CSMD1: variants seen among roughly 807,000 people sequenced by gnomAD.
CSMD1 encodes CUB and Sushi multiple domains 1.
A neutral mutation model predicts 417.5 loss-of-function variants in CSMD1; 213 were observed. That is an observed-to-expected ratio of 0.51 (90% confidence interval 0.46 to 0.57). The LOEUF (loss-of-function observed/expected upper bound fraction) is 0.57. Ranked by LOEUF, CSMD1 falls within the 20% of genes least tolerant of loss-of-function variation. CSMD1 has a pLI of 0.00. For synonymous variants in CSMD1, 2,862 were observed against 1,736.8 expected (o/e 1.65, Z -16.11); for missense variants, 6,923 against 4,529.7 (o/e 1.53, Z -15.17).
At chr8:4,629,235 T>C (rs1222481471) in intron 2 of CSMD1, among the ~76,000 whole-genome samples, 1 of 152,124 alleles carries the variant, frequency 6.6e-6, no homozygotes, top group Admixed American at 6.5e-5. Flanking sequence ...TTGAGAAAAA[T>C]TTCAAAATAT....
intron 3 of CSMD1, among the ~76,000 whole-genome samples, chr8:4,259,436 C>G (rs1319186434): frequency 1.3e-5 from 2 of 152,062 alleles, no homozygotes; most frequent in Non-Finnish European, 2.9e-5. Context: ...AGGACCCATC[C>G]CAGCGCTATG....
intron 3 of CSMD1, among the ~76,000 whole-genome samples, chr8:4,146,067 G>T (rs916120450): frequency 3.3e-5 from 5 of 150,806 alleles, no homozygotes; most frequent in Non-Finnish European, 7.4e-5. Flanking sequence ...GACACTTGAG[G>T]GAGGCAATTG....
At chr8:3,549,917 G>A (rs759846715) in intron 10 of CSMD1, among the ~76,000 whole-genome samples, 4 of 152,138 alleles carry the variant, frequency 2.6e-5, no homozygotes, top group Non-Finnish European at 4.4e-5. Flanking sequence ...TCAACAAGCA[G>A]ATTTATTGAA....
At chr8:4,084,177 A>G (rs1381419570) in intron 3 of CSMD1, among the ~76,000 whole-genome samples, 1 of 152,144 alleles carries the variant, frequency 6.6e-6, no homozygotes, top group African/African-American at 2.4e-5. Context: ...AAGAGAAAGA[A>G]TTTTAAAATG....
At chr8:3,956,982 T>A (rs1284099018) in intron 5 of CSMD1, among the ~76,000 whole-genome samples, 1 of 152,118 alleles carries the variant, frequency 6.6e-6, no homozygotes, top group Non-Finnish European at 1.5e-5. Context: ...CTGTTTTTCT[T>A]GTGGGCCCTA....
At chr8:4,038,977 C>G (rs999642897) in intron 3 of CSMD1, among the ~76,000 whole-genome samples, 5 of 152,186 alleles carry the variant, frequency 3.3e-5, no homozygotes, top group African/African-American at 1.2e-4. Context: ...CACATCAAAC[C>G]TTTAACCCAG....
At chr8:4,243,033 G>A (rs919762513) in intron 3 of CSMD1, among the ~76,000 whole-genome samples, 2 of 152,114 alleles carry the variant, frequency 1.3e-5, no homozygotes, top group Non-Finnish European at 2.9e-5. Flanking sequence ...GAATGGCAGA[G>A]GTTTTATCTG....
chr8:4,124,409 A>T (rs1026715414), intron 3 of CSMD1, among the ~76,000 whole-genome samples: 3 of 152,056 alleles, frequency 2.0e-5, no homozygotes, highest in African/African-American at 7.3e-5. Context: ...TTTGTATTTA[A>T]TTTTTTTCCC....
intron 12 of CSMD1, among the ~76,000 whole-genome samples, chr8:3,428,204 C>G (rs145846663): frequency 2.0e-5 from 3 of 151,936 alleles, no homozygotes; most frequent in African/African-American, 4.8e-5. Flanking sequence ...ATGTGAGCTA[C>G]GTAGAATGAA....
At chr8:3,101,799 C>CTTTTT (rs530061255) in intron 46 of CSMD1, among the ~76,000 whole-genome samples, 4 of 106,356 alleles carry the variant, frequency 3.8e-5, no homozygotes, top group Admixed American at 1.1e-4. Context: ...CTTTCTTTTT[C>CTTTTT]TTTTTTTTTT....
At chr8:4,646,891 A>C (rs1342618472) in intron 1 of CSMD1, among the ~76,000 whole-genome samples, 1 of 152,218 alleles carries the variant, frequency 6.6e-6, no homozygotes, top group Non-Finnish European at 1.5e-5. Flanking sequence ...ATGACAAATT[A>C]TGAGCAGATT....
intron 12 of CSMD1, among the ~76,000 whole-genome samples, chr8:3,443,780 G>C (rs1815138428): frequency 6.6e-6 from 1 of 152,162 alleles, no homozygotes; most frequent in Non-Finnish European, 1.5e-5. Flanking sequence ...TAATTTGATT[G>C]GGAGACATGA....
At chr8:4,420,392 G>A (rs996998199) in intron 2 of CSMD1, among the ~76,000 whole-genome samples, 20 of 151,760 alleles carry the variant, frequency 1.3e-4, no homozygotes, top group African/African-American at 4.6e-4. Context: ...GAATTTTTAA[G>A]TTATAGGGTA....
chr8:3,261,184 C>A (rs763165609), intron 26 of CSMD1, among the ~76,000 whole-genome samples: 1 of 152,096 alleles, frequency 6.6e-6, no homozygotes, highest in Non-Finnish European at 1.5e-5. Context: ...GATGTAAATA[C>A]CATAGACAAT....
chr8:3,048,147 T>G (rs11136564), intron 50 of CSMD1, among the ~76,000 whole-genome samples: 114,148 of 152,100 alleles, frequency 0.75, 44,093 homozygotes, highest in Non-Finnish European at 0.84. Flanking sequence ...TAGCTTTAAA[T>G]GTAATGAAAG....
At chr8:4,250,237 C>G (rs1483103881) in intron 3 of CSMD1, among the ~76,000 whole-genome samples, 1 of 152,160 alleles carries the variant, frequency 6.6e-6, no homozygotes, top group African/African-American at 2.4e-5. Context: ...CACAAATGTA[C>G]TAAGACAACC....
intron 2 of CSMD1, among the ~76,000 whole-genome samples, chr8:4,610,415 T>G (rs1472523333): frequency 6.6e-6 from 1 of 152,204 alleles, no homozygotes; most frequent in African/African-American, 2.4e-5. Flanking sequence ...TATGTTCTTT[T>G]TATGGTTAAG....
At chr8:4,732,421 A>G (rs1809960741) in intron 1 of CSMD1, among the ~76,000 whole-genome samples, 1 of 151,546 alleles carries the variant, frequency 6.6e-6, no homozygotes, top group African/African-American at 2.4e-5. Context: ...GGACATGCAG[A>G]ATCCAAGCAT....
intron 7 of CSMD1, among the ~76,000 whole-genome samples, chr8:3,620,579 G>A (rs893919912): frequency 3.3e-5 from 5 of 152,058 alleles, no homozygotes; most frequent in African/African-American, 9.7e-5. Context: ...GAAGTAAACT[G>A]GTGTCAATTT....
Sources: gnomAD v4.1 joint callset for allele counts (sites outside exome capture counted in the v4.1 genomes callset) on GRCh38, gnomAD v4.1.1 for gene constraint, MANE v1.5 for transcripts, NCBI Gene and HGNC (gene_info 2026-07-23, HGNC 2026-07-21) for gene names.